The following CCDC126 variants were observed in gnomAD, a reference collection of about 807,000 sequenced individuals.
CCDC126 encodes coiled-coil domain containing 126, also known as coiled-coil domain-containing protein 126.
Under a neutral mutation model 11.7 loss-of-function variants are expected in CCDC126, and 5 were observed. That is an observed-to-expected ratio of 0.43 (90% CI 0.22 to 0.90). The LOEUF (loss-of-function observed/expected upper bound fraction) is 0.90, where lower values mean the gene tolerates loss of function less well. Ranked by LOEUF, CCDC126 falls within the 40% of genes least tolerant of loss-of-function variation. CCDC126 has a pLI of 0.27. For missense variants in CCDC126, 150 were observed against 163.1 expected, an observed-to-expected ratio of 0.92 and a Z score of 0.44; for synonymous variants, 60 against 61.9, an observed-to-expected ratio of 0.97 and a Z score of 0.14.
intron 3 of CCDC126, among the ~76,000 whole-genome samples, chr7:23,620,465 A>G (rs943455617): frequency 1.3e-5 from 2 of 152,072 alleles, no homozygotes; most frequent in African/African-American, 4.8e-5. Flanking sequence ...TTCTTTGTGG[A>G]TTCTGGATAT....
At chr7:23,638,727 TAAAA>T (rs70954398) in intron 3 of CCDC126, among the ~76,000 whole-genome samples, 4 of 89,670 alleles carry the variant, frequency 4.5e-5, no homozygotes, top group African/African-American at 1.6e-4. Context: ...AAAAAAAAAT[TAAAA>T]AAAAAAAAAA....
At chr7:23,610,081 T>C (rs577920275) in intron 2 of CCDC126, among the ~76,000 whole-genome samples, 2 of 152,344 alleles carry the variant, frequency 1.3e-5, no homozygotes, top group South Asian at 4.1e-4. Flanking sequence ...GATTAACACC[T>C]TTCTGTGTTT....
At chr7:23,605,400 TGTGTGTGTGTGTGTGTG>T (rs1378891472) in intron 2 of CCDC126, among the ~76,000 whole-genome samples, 3 of 530 alleles carry the variant, frequency 5.7e-3, no homozygotes, top group Admixed American at 0.024. Context: ...GTGATATGCT[TGTGTGTGTGTGTGTGTG>T]TGTGTGTGTG....
At chr7:23,630,975 A>G (rs999194259) in intron 3 of CCDC126, among the ~76,000 whole-genome samples, 2 of 152,060 alleles carry the variant, frequency 1.3e-5, no homozygotes, top group Non-Finnish European at 2.9e-5. Flanking sequence ...AAAATGCAAC[A>G]TAAAAAATTG....
intron 2 of CCDC126, among the ~76,000 whole-genome samples, chr7:23,606,588 A>C (rs527564343): frequency 6.6e-6 from 1 of 152,210 alleles, no homozygotes; most frequent in South Asian, 2.1e-4. Context: ...GCCCTTCTTC[A>C]GGTCTAGTAC....
At chr7:23,601,395 A>T (rs1782540462) in intron 2 of CCDC126, among the ~76,000 whole-genome samples, 1 of 152,206 alleles carries the variant, frequency 6.6e-6, no homozygotes, top group African/African-American at 2.4e-5. Context: ...AAACAGCAAC[A>T]ACTGTGTATG....
chr7:23,627,356 A>C (rs1401785014), intron 3 of CCDC126, among the ~76,000 whole-genome samples: 1 of 151,956 alleles, frequency 6.6e-6, no homozygotes, highest in African/African-American at 2.4e-5. Flanking sequence ...CTCTAAAAAA[A>C]AAAGGCCAGT....
chr7:23,629,625 T>C (rs1457740726), intron 3 of CCDC126, among the ~76,000 whole-genome samples: 3 of 146,826 alleles, frequency 2.0e-5, no homozygotes, highest in South Asian at 2.1e-4. Flanking sequence ...AGGAGAAAAA[T>C]AGATCATATG....
Position 23,625,649 on chromosome 7 carries a change from A to ATTTTT in CCDC126, c.238+14116_238+14120dup, listed in dbSNP as rs34492140. Among the ~76,000 whole-genome samples the ATTTTT allele has an allele frequency of 2.5e-3, 193 of 77,150 alleles. 2 individuals carry two copies. The highest frequency in any genetic ancestry group is 4.6e-3 in the African/African-American group (82 of 17,972). 50.6% of individuals were successfully genotyped at this position (77,150 alleles called of 152,430 possible). ...AATTTGTTTATTTCTTATTTGACTG[A>ATTTTT]TTTTTTTTTTTTTTTTTTTTTTTTG... On this transcript the variant is annotated intron_variant, in intron 3 of 3. Coordinates refer to ENST00000307471, the MANE Select transcript of CCDC126 (RefSeq NM_138771.4).
intron 3 of CCDC126, among the ~76,000 whole-genome samples, chr7:23,633,138 A>G (rs1783144595): frequency 6.6e-6 from 1 of 152,110 alleles, no homozygotes; most frequent in Non-Finnish European, 1.5e-5. Flanking sequence ...GATTACAGGC[A>G]TGGGTCACCA....
At chr7:23,615,844 C>T (rs1015181024) in intron 3 of CCDC126, among the ~76,000 whole-genome samples, 1 of 152,180 alleles carries the variant, frequency 6.6e-6, no homozygotes, top group Non-Finnish European at 1.5e-5. Flanking sequence ...AAAACAGTTC[C>T]AATGGTAGCA....
intron 3 of CCDC126, among the ~76,000 whole-genome samples, chr7:23,632,233 A>G (rs1783128605): frequency 6.6e-6 from 1 of 151,764 alleles, no homozygotes; most frequent in Admixed American, 6.6e-5. Context: ...AGCTTGGATT[A>G]CAAGGTGCCT....
chr7:23,636,285 C>T (rs1286280916), intron 3 of CCDC126, among the ~76,000 whole-genome samples: 2 of 151,930 alleles, frequency 1.3e-5, no homozygotes, highest in African/African-American at 4.8e-5. Context: ...GCCGCCACCC[C>T]GTCTGGGAAG....
At chr7:23,609,404 C>T (rs1782670018) in intron 2 of CCDC126, among the ~76,000 whole-genome samples, 1 of 152,146 alleles carries the variant, frequency 6.6e-6, no homozygotes, top group South Asian at 2.1e-4. Context: ...CTCCTGACCT[C>T]AGGTGATCCA....
intron 3 of CCDC126, among the ~76,000 whole-genome samples, chr7:23,638,091 TG>T (rs1357296142): frequency 7.6e-5 from 9 of 117,806 alleles, no homozygotes; most frequent in African/African-American, 2.3e-4. Flanking sequence ...GGGAGGGTGG[TG>T]GGGGGGTCAG....
At chr7:23,636,784 C>T (rs1303304203) in intron 3 of CCDC126, among the ~76,000 whole-genome samples, 3 of 139,868 alleles carry the variant, frequency 2.1e-5, no homozygotes, top group Non-Finnish European at 4.7e-5. Context: ...GGGGGGTCAG[C>T]CCCCCGCCCG....
intron 3 of CCDC126, among the ~76,000 whole-genome samples, chr7:23,632,375 C>T (rs1183140968): frequency 6.6e-6 from 1 of 152,210 alleles, no homozygotes. Context: ...GGATTACAGG[C>T]ATGAGCCACC....
rs1347206506 is a variant in CCDC126, at chr7:23,619,755, T to C, written c.238+8202T>C. 1.4e-4 allele frequency among the ~76,000 whole-genome samples: 15 copies of C among 109,052 alleles called. No individual in the cohort carries two copies. In the Admixed American group the frequency reaches 1.7e-3, roughly 13 times the overall value. 71.5% of individuals were successfully genotyped at this position (109,052 alleles called of 152,430 possible). A position where few individuals can be genotyped will look rare whatever the true frequency, so the allele number is the denominator to read the frequency against. ...CCTCCCCCCACCCCACAATAGGCCC[T>C]GGTGTGTGATGTTCCCCTTCCTGTG... On this transcript the variant is annotated intron_variant, in intron 3 of 3. Coordinates refer to ENST00000307471, the MANE Select transcript of CCDC126 (RefSeq NM_138771.4).
At chr7:23,602,419 A>G (rs894262246) in intron 2 of CCDC126, among the ~76,000 whole-genome samples, 8 of 152,202 alleles carry the variant, frequency 5.3e-5, no homozygotes, top group Non-Finnish European at 1.0e-4. Context: ...CTTTGTAAAC[A>G]CCACCATATC....
Sources: allele counts gnomAD v4.1 joint callset (sites outside exome capture counted in the v4.1 genomes callset), GRCh38; gene constraint gnomAD v4.1.1; transcripts MANE v1.5; gene names NCBI Gene and HGNC (gene_info 2026-07-23, HGNC 2026-07-21).